Variants in KHDRBS2 observed in about 807,000 individuals in gnomAD.
The protein encoded by KHDRBS2 is KH RNA binding domain containing, signal transduction associated 2, also known as KH domain-containing, RNA-binding, signal transduction-associated protein 2.
KHDRBS2 carries 26 observed loss-of-function variants against 44.3 expected under a neutral mutation model. The ratio of observed to expected loss-of-function variants is 0.59; its 90% CI spans 0.43 to 0.81. The LOEUF is 0.81. KHDRBS2 is among the 40% of genes least tolerant of loss of function. The pLI is 0.00. For synonymous variants in KHDRBS2, 194 were observed against 151.1 expected (o/e 1.28, Z -2.08); for missense variants, 476 against 433.1 (o/e 1.10, Z -0.88).
chr6:61,987,583 A>G (rs1034390039), intron 3 of KHDRBS2, among the ~76,000 whole-genome samples: 16 of 152,192 alleles, frequency 1.1e-4, no homozygotes, highest in Admixed American at 9.2e-4. Flanking sequence ...AGCTTTTACC[A>G]TCAAGAAATT....
chr6:61,785,104 C>T (rs1360686675), intron 6 of KHDRBS2, among the ~76,000 whole-genome samples: 3 of 151,752 alleles, frequency 2.0e-5, no homozygotes, highest in African/African-American at 4.8e-5. Context: ...GAGTCATAAT[C>T]GTGACACTAT....
intron 7 of KHDRBS2, among the ~76,000 whole-genome samples, chr6:61,728,310 G>A (rs1185827398): frequency 1.3e-5 from 2 of 151,946 alleles, no homozygotes; most frequent in Non-Finnish European, 1.5e-5. Context: ...GAGGGAGGGA[G>A]GGCATCAGGA....
At chr6:61,692,815 T>C (rs1286524632) in intron 8 of KHDRBS2, among the ~76,000 whole-genome samples, 1 of 152,166 alleles carries the variant, frequency 6.6e-6, no homozygotes, top group South Asian at 2.1e-4. Context: ...CCTTCACTTG[T>C]CCCCACAGTT....
chr6:61,953,086 A>T (rs1765110543), intron 4 of KHDRBS2, among the ~76,000 whole-genome samples: 2 of 152,006 alleles, frequency 1.3e-5, no homozygotes, highest in Non-Finnish European at 2.9e-5. Flanking sequence ...ATTTGGCCCA[A>T]ATTAGAGAAT....
At chr6:61,589,130 A>T in the KHDRBS2 span, among the ~76,000 whole-genome samples, 1 of 152,134 alleles carries the variant, frequency 6.6e-6, no homozygotes, top group Non-Finnish European at 1.5e-5. Flanking sequence ...TGCATGCAGG[A>T]CATAAAATAT....
chr6:61,810,631 T>G (rs947898721), intron 6 of KHDRBS2, among the ~76,000 whole-genome samples: 1 of 152,132 alleles, frequency 6.6e-6, no homozygotes, highest in African/African-American at 2.4e-5. Flanking sequence ...AGACTTTGGA[T>G]AGATTATCAA....
the KHDRBS2 span, among the ~76,000 whole-genome samples, chr6:61,647,752 T>C: frequency 6.6e-6 from 1 of 152,164 alleles, no homozygotes; most frequent in Non-Finnish European, 1.5e-5. Flanking sequence ...TGGGTATGTT[T>C]GTATCACTCA....
chr6:62,030,741 A>G (rs1334675506), intron 3 of KHDRBS2, among the ~76,000 whole-genome samples: 2 of 152,108 alleles, frequency 1.3e-5, no homozygotes, highest in Non-Finnish European at 2.9e-5. Flanking sequence ...TAAAATAATA[A>G]AAAAGATTAT....
chr6:61,919,252 G>A (rs1807589331), intron 4 of KHDRBS2, among the ~76,000 whole-genome samples: 1 of 151,918 alleles, frequency 6.6e-6, no homozygotes, highest in Non-Finnish European at 1.5e-5. Context: ...TAAAATATAT[G>A]ATTGCATATG....
At chr6:62,008,490 G>C (rs1284089086) in intron 3 of KHDRBS2, among the ~76,000 whole-genome samples, 3 of 152,110 alleles carry the variant, frequency 2.0e-5, no homozygotes, top group Non-Finnish European at 4.4e-5. Flanking sequence ...CTTATTACAA[G>C]TCTACAGATT....
At chr6:62,064,803 C>A (rs1184045192) in intron 2 of KHDRBS2, among the ~76,000 whole-genome samples, 1 of 151,860 alleles carries the variant, frequency 6.6e-6, no homozygotes, top group African/African-American at 2.4e-5. Context: ...AACTAAACAG[C>A]TTCTGCACAG....
At chr6:62,261,824 G>A (rs6915599) in intron 1 of KHDRBS2, among the ~76,000 whole-genome samples, 78,494 of 151,446 alleles carry the variant, frequency 0.52, 21,936 homozygotes, top group Non-Finnish European at 0.62. Flanking sequence ...ATACTAAACA[G>A]CTCATAAATT....
intron 6 of KHDRBS2, among the ~76,000 whole-genome samples, chr6:61,789,610 T>C (rs563346087): frequency 1.5e-3 from 221 of 151,634 alleles, no homozygotes; most frequent in African/African-American, 5.1e-3. Flanking sequence ...TTCAACATTT[T>C]GTTTTTGACA....
chr6:61,580,893 G>A, the KHDRBS2 span, among the ~76,000 whole-genome samples: 1 of 152,124 alleles, frequency 6.6e-6, no homozygotes, highest in Non-Finnish European at 1.5e-5. Context: ...AGACCAAGAA[G>A]CCACCAGCAG....
chr6:61,714,519 T>C (rs1245103444), intron 7 of KHDRBS2, among the ~76,000 whole-genome samples: 7 of 151,898 alleles, frequency 4.6e-5, no homozygotes, highest in Admixed American at 4.6e-4. Flanking sequence ...TGCCATTTGA[T>C]ACAGTGGTCC....
chr6:61,681,221 T>G (rs931887129), intron 8 of KHDRBS2, among the ~76,000 whole-genome samples, 161 bp from the exon 9 acceptor site: 1 of 151,886 alleles, frequency 6.6e-6, no homozygotes, highest in Non-Finnish European at 1.5e-5. Flanking sequence ...AAAAAGTGTG[T>G]GTATATAAAT....
At chr6:62,104,016 T>C (rs1261076949) in intron 2 of KHDRBS2, among the ~76,000 whole-genome samples, 1 of 152,052 alleles carries the variant, frequency 6.6e-6, no homozygotes, top group Non-Finnish European at 1.5e-5. Context: ...AATACAGATA[T>C]ACATAAGGGG....
intron 2 of KHDRBS2, among the ~76,000 whole-genome samples, chr6:62,138,415 T>C (rs1346602382): frequency 6.6e-6 from 1 of 152,182 alleles, no homozygotes; most frequent in Non-Finnish European, 1.5e-5. Context: ...AGGAGAAAAT[T>C]ATACCATCAA....
At chr6:62,232,676 G>A (rs1050495690) in intron 1 of KHDRBS2, among the ~76,000 whole-genome samples, 2 of 151,998 alleles carry the variant, frequency 1.3e-5, no homozygotes, top group African/African-American at 4.8e-5. Flanking sequence ...ATATCCCTAC[G>A]TATAGCCAGG....
Sources: allele counts gnomAD v4.1 joint callset (sites outside exome capture counted in the v4.1 genomes callset), GRCh38; gene constraint gnomAD v4.1.1; transcripts MANE v1.5; gene names NCBI Gene and HGNC (gene_info 2026-07-23, HGNC 2026-07-21).